TIAM1: variants seen among roughly 807,000 people sequenced by gnomAD.
TIAM1 encodes the protein TIAM Rac1 associated GEF 1, also known as rho guanine nucleotide exchange factor TIAM1.
Under a neutral mutation model 163.5 loss-of-function variants are expected in TIAM1, and 65 were observed. That is an observed-to-expected ratio of 0.40 (90% CI 0.33 to 0.49). The LOEUF (loss-of-function observed/expected upper bound fraction) is 0.49. Among genes scored for constraint, TIAM1 ranks in the 20% least tolerant of loss-of-function variants. TIAM1 has a pLI of 0.77. For missense variants in TIAM1, 1,789 were observed against 2,044.7 expected (o/e 0.87, Z 2.41); for synonymous variants, 833 against 810.1 (o/e 1.03, Z -0.48).
At chr21:31,544,780 G>A (rs1169805226) in intron 1 of TIAM1, among the ~76,000 whole-genome samples, 2 of 152,222 alleles carry the variant, frequency 1.3e-5, no homozygotes, top group Non-Finnish European at 2.9e-5. Flanking sequence ...TTGGGAGGCC[G>A]AGGCAGGTGG....
chr21:31,429,782 G>C, intron 2 of TIAM1, among the ~76,000 whole-genome samples: 1 of 151,440 alleles, frequency 6.6e-6, no homozygotes, highest in South Asian at 2.1e-4. Context: ...ATCCAGATGG[G>C]AAGTGGAAGA....
rs1568850303 is a variant in TIAM1 at position 31,118,708 on chromosome 21, C to T, written c.*1660G>A. 6.4e-6 allele frequency: 3 copies of T among 467,452 alleles called. No individual in the cohort carries two copies. Among genetic ancestry groups the T allele is most frequent in the Non-Finnish European group, 8.9e-6 (2 of 225,882 alleles). 29.0% of individuals were successfully genotyped at this position (467,452 alleles called of 1,614,324 possible). ...GAACCGGAGATGATATGGAAAAATG[C>T]AGTGATACAAAGGGTATAGAAACCA... On this transcript the variant is annotated 3_prime_UTR_variant, in exon 28 of 28. Transcript: ENST00000541036.
At chr21:31,413,563 C>A (rs921798784) in intron 2 of TIAM1, among the ~76,000 whole-genome samples, 5 of 152,124 alleles carry the variant, frequency 3.3e-5, no homozygotes, top group Non-Finnish European at 7.3e-5. Context: ...AGCCACCACG[C>A]CCGGCCCTCT....
chr21:31,360,631 C>T (rs1363186886), intron 2 of TIAM1, among the ~76,000 whole-genome samples: 2 of 151,936 alleles, frequency 1.3e-5, no homozygotes, highest in African/African-American at 2.4e-5. Context: ...ACAATGTTTG[C>T]GACTCATGCA....
intron 2 of TIAM1, among the ~76,000 whole-genome samples, chr21:31,451,749 G>A (rs866881771): frequency 6.9e-4 from 102 of 148,310 alleles, no homozygotes; most frequent in African/African-American, 2.5e-3. Context: ...GTGTGTGTGT[G>A]TGTGTGTGTG....
rs762646643 is a variant in TIAM1, at chr21:31,225,858, C to T, written c.1677G>A (p.Thr559=). Residue 559 remains threonine (T), a synonymous_variant, in exon 7 of 28, where the codon ACG becomes ACA. Coordinates refer to ENST00000541036, the MANE Select transcript of TIAM1 (RefSeq NM_001353694.2). ...TGATCTCTGATTTCAGGAGTCGGAG[C>T]GTGTCTTCCTTGTGGTGGTGCCTCG... The part of the protein sequence containing the change: ...AVARHHHKED[T]LRLLKSEIKK... 1.8e-5 allele frequency: 29 copies of T among 1,614,102 alleles called. No individual in the cohort carries two copies. The highest frequency in any genetic ancestry group is 6.7e-5 in the African/African-American group (5 of 75,004).
Position 31,298,354 on chromosome 21 carries a change from C to A in TIAM1, c.-188-21446G>T, listed in dbSNP as rs181436817. On this transcript the variant is annotated intron_variant, in intron 2 of 27. Coordinates refer to ENST00000541036, the MANE Select transcript of TIAM1 (RefSeq NM_001353694.2). ...CTAGTGTTTTCTAAACTTTCTTAATCATGAAAACTGATTTTGTAAACTGTC... is the reference window on the plus strand; with the variant it reads ...CTAGTGTTTTCTAAACTTTCTTAATAATGAAAACTGATTTTGTAAACTGTC... 3.7e-4 allele frequency among the ~76,000 whole-genome samples: 56 copies of A among 152,296 alleles called. No individual in the cohort carries two copies. The East Asian group carries it at 9.3e-3, about 25-fold the overall frequency.
At chr21:31,423,700 TAAAAAA>T (rs200137644) in intron 2 of TIAM1, among the ~76,000 whole-genome samples, 62 of 48,230 alleles carry the variant, frequency 1.3e-3, no homozygotes, top group African/African-American at 4.4e-3. Flanking sequence ...TAGAAAGTTG[TAAAAAA>T]AAAAAAAAAA....
intron 2 of TIAM1, among the ~76,000 whole-genome samples, chr21:31,450,220 C>T (rs1297540616): frequency 6.6e-6 from 1 of 152,148 alleles, no homozygotes. Flanking sequence ...TGGAATCCTG[C>T]AAATTACCTC....
chr21:31,505,849 A>G (rs1209087939), intron 1 of TIAM1, among the ~76,000 whole-genome samples: 1 of 151,752 alleles, frequency 6.6e-6, no homozygotes, highest in East Asian at 1.9e-4. Flanking sequence ...TCTCTACTAA[A>G]ATTACAAAAA....
chr21:31,140,421 G>T (rs1395686034), intron 22 of TIAM1, among the ~76,000 whole-genome samples: 1 of 152,138 alleles, frequency 6.6e-6, no homozygotes, highest in African/African-American at 2.4e-5. Context: ...ATTCCTCTAA[G>T]TATTATTGGC....
At chr21:31,154,179 C>A in intron 17 of TIAM1, 68 bp downstream of exon 17, 1 of 1,528,582 alleles carries the variant, frequency 6.5e-7, no homozygotes, top group Non-Finnish European at 8.9e-7. Context: ...TAATGAAAAC[C>A]AGCAGACACA....
chr21:31,394,728 T>TCTCTCA (rs1279053911), intron 2 of TIAM1, among the ~76,000 whole-genome samples: 114 of 95,712 alleles, frequency 1.2e-3, no homozygotes, highest in African/African-American at 2.9e-3. Flanking sequence ...TCTCTCTCTC[T>TCTCTCA]CACACACACA....
At chr21:31,134,587 TACA>T (rs1459235714) in intron 23 of TIAM1, among the ~76,000 whole-genome samples, 1 of 152,210 alleles carries the variant, frequency 6.6e-6, no homozygotes, top group Non-Finnish European at 1.5e-5. Flanking sequence ...CTCAGCTCAC[TACA>T]ACCTCTGCCT....
chr21:31,266,213 C>T lies in TIAM1; in HGVS notation c.760G>A (p.Ala254Thr), dbSNP rs762015548. The T allele has an allele frequency of 6.2e-6, 10 of 1,614,032 alleles. No homozygotes were observed. Among genetic ancestry groups the T allele is most frequent in the Non-Finnish European group, 7.6e-6 (9 of 1,180,042 alleles). The change falls in exon 4 of 28, where the codon GCA (alanine) becomes ACA (threonine). Residue 254 changes from alanine (A) to threonine (T), a missense_variant. Coordinates refer to ENST00000541036, the MANE Select transcript of TIAM1 (RefSeq NM_001353694.2). ...GACACCAAATTCCGACAGTAGCCTG[C>T]AAATTTGCTCCCCGGCCCCCCGTTT... Reference protein sequence around the residue: ...TANGGPGSKFAGYCRNLVSDI... With the variant: ...TANGGPGSKFTGYCRNLVSDI...
At chr21:31,542,320 G>T (rs1182063925) in intron 1 of TIAM1, among the ~76,000 whole-genome samples, 3 of 152,100 alleles carry the variant, frequency 2.0e-5, no homozygotes, top group Non-Finnish European at 4.4e-5. Context: ...CCAGCTTCTG[G>T]GGAGGCTGAG....
At chr21:31,275,208 G>A (rs1168312599) in intron 3 of TIAM1, among the ~76,000 whole-genome samples, 2 of 151,724 alleles carry the variant, frequency 1.3e-5, no homozygotes, top group Non-Finnish European at 2.9e-5. Flanking sequence ...ATTTTAAAAA[G>A]CAATTATTCC....
At chr21:31,523,775 T>C (rs188983308) in intron 1 of TIAM1, among the ~76,000 whole-genome samples, 1 of 151,914 alleles carries the variant, frequency 6.6e-6, no homozygotes, top group African/African-American at 2.4e-5. Context: ...AATACAAAAA[T>C]TAGCCAGGCA....
At chr21:31,394,763 C>CACACAT (rs2077033554) in intron 2 of TIAM1, among the ~76,000 whole-genome samples, 1 of 151,670 alleles carries the variant, frequency 6.6e-6, no homozygotes, top group African/African-American at 2.4e-5. Context: ...CACACACACA[C>CACACAT]ACACACACAC....
Sources: allele counts gnomAD v4.1 joint callset (sites outside exome capture counted in the v4.1 genomes callset), GRCh38; gene constraint gnomAD v4.1.1; transcripts MANE v1.5; gene names NCBI Gene and HGNC (gene_info 2026-07-23, HGNC 2026-07-21).